Variants in CYP51A1 observed in about 807,000 individuals in gnomAD.
The protein encoded by CYP51A1 is cytochrome P450 family 51 subfamily A member 1.
CYP51A1 carries 45 observed loss-of-function variants against 53.5 expected under a neutral mutation model. The observed-to-expected ratio is 0.84, with a 90% CI of 0.66 to 1.08. The LOEUF is 1.08. Ranked by LOEUF, CYP51A1 falls within the 50% of genes least tolerant of loss-of-function variation. CYP51A1 has a pLI of 0.00. For synonymous variants in CYP51A1, 181 were observed against 217.7 expected (o/e 0.83, Z 1.48); for missense variants, 462 against 621.7 (o/e 0.74, Z 2.73).
At chr7:92,123,934 G>A (rs895421322) in intron 5 of CYP51A1, 81 bp from the exon 6 acceptor site, 9 of 1,209,042 alleles carry the variant, frequency 7.4e-6, no homozygotes, top group Middle Eastern at 2.1e-4. Flanking sequence ...AACCAGGACC[G>A]AGCATAAAGC....
chr7:92,113,740 A>T lies in CYP51A1; in HGVS notation c.1455T>A (p.Phe485Leu), dbSNP rs577654665. 4 of 1,613,164 alleles carry T rather than the reference A, an allele frequency of 2.5e-6. No individual in the cohort carries two copies. The Admixed American group carries it at 5.0e-5, about 20-fold the overall frequency. Residue 485 changes from phenylalanine (F) to leucine (L), a missense_variant, in exon 10 of 10, where the codon TTT becomes TTA. Physicochemically the swap from Phe to Leu is conservative, Grantham distance 22. Transcript: ENST00000003100. The stretch of plus-strand genomic sequence containing the variant: ...TCATAGTTGTATAATTCACAGTGGG[A>T]AAGTATCCATCAATGAGATCAAATT... ...LYEFDLIDGYFPTVNYTTMIH... is the reference protein window; with the variant it reads ...LYEFDLIDGYLPTVNYTTMIH...
chr7:92,127,740 T>G (rs1472436209), intron 3 of CYP51A1, 109 bp from the exon 4 acceptor site: 3 of 1,126,528 alleles, frequency 2.7e-6, no homozygotes, highest in Non-Finnish European at 3.9e-6. Flanking sequence ...GTAATGGTTT[T>G]AACCCTTTGG....
rs1402440039 is a variant in CYP51A1 at position 92,112,727 on chromosome 7, G to T, written c.*938C>A. On this transcript the variant is annotated 3_prime_UTR_variant, in exon 10 of 10. Transcript: ENST00000003100. The stretch of plus-strand genomic sequence containing the variant: ...TGCCTGTAATCCCAACTACTTGGGA[G>T]GCTGAGGCAGAGAATTGCTTGAACC... 1.3e-5 allele frequency: 2 copies of T among 152,084 alleles called. No homozygotes were observed. The highest frequency in any genetic ancestry group is 2.4e-5 in the African/African-American group (1 of 41,354). 9.4% of individuals were successfully genotyped at this position (152,084 alleles called of 1,614,324 possible). A position where few individuals can be genotyped will look rare whatever the true frequency, so the allele number is the denominator to read the frequency against.
Position 92,117,031 on chromosome 7 carries a change from A to G in CYP51A1, c.1351+13T>C. 6.3e-7 allele frequency: 1 copy of G among 1,595,432 alleles called. No homozygotes were observed. Among genetic ancestry groups the G allele is most frequent in the Non-Finnish European group, 8.5e-7 (1 of 1,170,782 alleles). On this transcript the variant is annotated intron_variant, in intron 9 of 9. Transcript: ENST00000003100. Reference sequence around the variant, plus strand: ...AGAACAAACATTTCCAATCTAAAATATAATCATCTTACCAGCTCCAAATGG... The same window carrying G: ...AGAACAAACATTTCCAATCTAAAATGTAATCATCTTACCAGCTCCAAATGG...
At position 92,123,832 on chromosome 7, in the gene CYP51A1, C is replaced by T. The variant is rs1464466783; in HGVS notation, c.792G>A (p.Arg264=). The stretch of plus-strand genomic sequence containing the variant: ...CCTTATAGAAAATATCCTTGATTTC[C>T]CGATGAGCTCTGTCCCTGCGTCTGT... ...PSFRRRDRAH[R]EIKDIFYKAI... The change falls in exon 6 of 10, where the codon CGG becomes CGA. Residue 264 remains arginine, a synonymous_variant. Coordinates refer to ENST00000003100, the MANE Select transcript of CYP51A1 (RefSeq NM_000786.4). 1.2e-6 allele frequency: 2 copies of T among 1,608,106 alleles called. No homozygotes were observed. The highest frequency in any genetic ancestry group is 1.3e-5 in the African/African-American group (1 of 74,702).
chr7:92,117,140 C>A lies in CYP51A1; in HGVS notation c.1255G>T (p.Asp419Tyr), dbSNP rs769100106. 11 of 1,613,970 alleles carry A rather than the reference C, an allele frequency of 6.8e-6. No homozygotes were observed. The highest frequency in any genetic ancestry group is 5.1e-6 in the Non-Finnish European group (6 of 1,180,002). The change falls in exon 9 of 10, where the codon GAC becomes TAC. Residue 419 changes from aspartate (D) to tyrosine (Y), a missense_variant. Coordinates refer to ENST00000003100, the MANE Select transcript of CYP51A1 (RefSeq NM_000786.4). ...VSPTVNQRLK[D>Y]SWVERLDFNP... ...AAGTCCAGGCGTTCTACCCATGAGT[C>A]TTTAAGTCTTTGATTGACAGTGGGA...
chr7:92,134,492 C>T (rs907687340), upstream of CYP51A1: 76 of 983,612 alleles, frequency 7.7e-5, no homozygotes, highest in Non-Finnish European at 9.9e-5. Context: ...CCAGCCCCAC[C>T]CCTCGGGTCC....
intron 7 of CYP51A1, among the ~76,000 whole-genome samples, chr7:92,119,161 T>C (rs1294667578): frequency 1.3e-5 from 2 of 152,144 alleles, no homozygotes; most frequent in Non-Finnish European, 2.9e-5. Flanking sequence ...TGTTTAACAC[T>C]GAAGGCGCCT....
chr7:92,130,305 A>G (rs1460851534), intron 2 of CYP51A1, among the ~76,000 whole-genome samples: 2 of 152,188 alleles, frequency 1.3e-5, no homozygotes, highest in African/African-American at 4.8e-5. Flanking sequence ...TAATAATAAT[A>G]GCAGTTCTTC....
Position 92,123,193 on chromosome 7 carries a change from G to GT in CYP51A1, c.1012dup (p.Thr338AsnfsTer24), listed in dbSNP as rs1378985228. The GT allele has an allele frequency of 6.2e-7, 1 of 1,613,750 alleles. No homozygotes were observed. The highest frequency in any genetic ancestry group is 1.3e-5 in the African/African-American group (1 of 74,880). ...TTCTAAATAACATTTTTTTTGAAGT[G>GT]TTTTGTCTCTGGCCAAAAAGAAGCC... On this transcript the variant is annotated frameshift_variant, in exon 7 of 10. Coordinates refer to ENST00000003100, the MANE Select transcript of CYP51A1 (RefSeq NM_000786.4). LOFTEE classifies it high-confidence loss of function.
At chr7:92,118,636 C>T (rs781512527) in intron 7 of CYP51A1, 21 bp from the exon 8 acceptor site, 9 of 1,322,536 alleles carry the variant, frequency 6.8e-6, no homozygotes, top group African/African-American at 1.4e-5. Flanking sequence ...AAAGCATTTC[C>T]TGATTGTTAT....
At chr7:92,134,570 A>T, upstream of CYP51A1, 1 of 563,566 alleles carries the variant, frequency 1.8e-6, no homozygotes, top group Non-Finnish European at 3.1e-6. Flanking sequence ...CTTAAATAAC[A>T]CTCTGTGAAG....
At chr7:92,133,676 G>A (rs1413755202) in intron 1 of CYP51A1, among the ~76,000 whole-genome samples, 1 of 152,090 alleles carries the variant, frequency 6.6e-6, no homozygotes, top group Non-Finnish European at 1.5e-5. Flanking sequence ...CCACCATTAG[G>A]GGCACTGCTA....
At chr7:92,114,267 A>G (rs1374368199) in intron 9 of CYP51A1, among the ~76,000 whole-genome samples, 1 of 152,184 alleles carries the variant, frequency 6.6e-6, no homozygotes, top group African/African-American at 2.4e-5. Context: ...AATGAACCCA[A>G]AATAATATAC....
Position 92,112,379 on chromosome 7 carries a change from T to G in CYP51A1, c.*1286A>C, listed in dbSNP as rs1231780279. Reference sequence around the variant, plus strand: ...AAGTTGATTCCTAAACAGAATGTGCTTTACAGAATGTGACCAATTTTATTA... The same window carrying G: ...AAGTTGATTCCTAAACAGAATGTGCGTTACAGAATGTGACCAATTTTATTA... On this transcript the variant is annotated 3_prime_UTR_variant, in exon 10 of 10. Coordinates refer to ENST00000003100, the MANE Select transcript of CYP51A1 (RefSeq NM_000786.4). The G allele has an allele frequency of 6.6e-6, 1 of 152,238 alleles. No homozygotes were observed. Among genetic ancestry groups the G allele is most frequent in the Non-Finnish European group, 1.5e-5 (1 of 68,038 alleles). 9.4% of individuals were successfully genotyped at this position (152,238 alleles called of 1,614,324 possible).
intron 2 of CYP51A1, 103 bp downstream of exon 2, chr7:92,131,671 T>C (rs1819922456): frequency 4.7e-6 from 3 of 634,730 alleles, no homozygotes; most frequent in Non-Finnish European, 8.3e-6. Flanking sequence ...GATATGTATA[T>C]GATTACAATG....
At chr7:92,115,795 A>T (rs1165191364) in intron 9 of CYP51A1, among the ~76,000 whole-genome samples, 1 of 152,248 alleles carries the variant, frequency 6.6e-6, no homozygotes, top group Non-Finnish European at 1.5e-5. Flanking sequence ...CAGCTTTAAC[A>T]TAAGGCTCTA....
chr7:92,122,477 C>T (rs1420865269), intron 7 of CYP51A1, among the ~76,000 whole-genome samples: 4 of 151,964 alleles, frequency 2.6e-5, no homozygotes, highest in Admixed American at 2.6e-4. Context: ...TATGTAGTAA[C>T]ATATAGAAAG....
intron 3 of CYP51A1, 71 bp downstream of exon 3, chr7:92,128,809 T>G: frequency 7.6e-7 from 1 of 1,318,928 alleles, no homozygotes; most frequent in Middle Eastern, 2.8e-4. Flanking sequence ...TTTAAATGTA[T>G]AATGTCTCAC....
Sources: gnomAD v4.1 joint callset for allele counts (sites outside exome capture counted in the v4.1 genomes callset) on GRCh38, gnomAD v4.1.1 for gene constraint, MANE v1.5 for transcripts, NCBI Gene and HGNC (gene_info 2026-07-23, HGNC 2026-07-21) for gene names.